EPS15L1: variants seen among roughly 807,000 people sequenced by gnomAD.
The protein encoded by EPS15L1 is epidermal growth factor receptor pathway substrate 15 like 1, also known as epidermal growth factor receptor substrate 15-like 1.
A neutral mutation model predicts 117.1 loss-of-function variants in EPS15L1; 43 were observed. The ratio of observed to expected loss-of-function variants is 0.37; its 90% CI spans 0.29 to 0.47. EPS15L1 has a LOEUF of 0.47. Ranked by LOEUF, EPS15L1 falls within the 20% of genes least tolerant of loss-of-function variation. EPS15L1 has a pLI of 0.99. For synonymous variants in EPS15L1, 459 were observed against 470.5 expected (o/e 0.98, Z 0.32); for missense variants, 981 against 1,164.0 (o/e 0.84, Z 2.29).
chr19:16,432,887 C>T (rs567152377), intron 7 of EPS15L1, among the ~76,000 whole-genome samples: 3 of 152,216 alleles, frequency 2.0e-5, no homozygotes, highest in East Asian at 3.9e-4. Flanking sequence ...ATTGCAGCCT[C>T]GACTTCCCAG....
chr19:16,447,229 T>TGGGCA, intron 1 of EPS15L1, among the ~76,000 whole-genome samples: 1 of 152,184 alleles, frequency 6.6e-6, no homozygotes, highest in Non-Finnish European at 1.5e-5. Context: ...CGCTGGGGTA[T>TGGGCA]GTCTAACCTT....
intron 9 of EPS15L1, 110 bp downstream of exon 9, chr19:16,424,973 T>A: frequency 9.6e-7 from 1 of 1,038,750 alleles, no homozygotes; most frequent in East Asian, 2.5e-5. Flanking sequence ...AAGCATTTTT[T>A]AAAGACATTT....
intron 13 of EPS15L1, among the ~76,000 whole-genome samples, chr19:16,407,890 G>A (rs918825922): frequency 3.3e-5 from 5 of 152,134 alleles, no homozygotes; most frequent in African/African-American, 1.2e-4. Context: ...TGGAGACCCT[G>A]GGCCAGAAGG....
intron 1 of EPS15L1, among the ~76,000 whole-genome samples, chr19:16,468,805 G>A (rs2093325076): frequency 6.6e-6 from 1 of 152,112 alleles, no homozygotes; most frequent in Non-Finnish European, 1.5e-5. Flanking sequence ...TGAGGCTAGG[G>A]GTTTAAGACC....
At chr19:16,454,534 A>G (rs1342106845) in intron 1 of EPS15L1, among the ~76,000 whole-genome samples, 1 of 152,244 alleles carries the variant, frequency 6.6e-6, no homozygotes, top group East Asian at 1.9e-4. Context: ...CAGGATCTGA[A>G]GGAATTTTCA....
At chr19:16,406,934 AT>A (rs2092662542) in intron 13 of EPS15L1, among the ~76,000 whole-genome samples, 1 of 152,180 alleles carries the variant, frequency 6.6e-6, no homozygotes, top group South Asian at 2.1e-4. Flanking sequence ...TAGTGGCCTT[AT>A]AAAAGAGGCC....
intron 23 of EPS15L1, among the ~76,000 whole-genome samples, chr19:16,359,471 T>C (rs2144621482): frequency 6.6e-6 from 1 of 152,304 alleles, no homozygotes; most frequent in African/African-American, 2.4e-5. Context: ...GGGTCCTGTC[T>C]TCACTCAACC....
intron 13 of EPS15L1, among the ~76,000 whole-genome samples, chr19:16,411,684 A>T (rs917873153): frequency 2.0e-5 from 3 of 152,120 alleles, no homozygotes; most frequent in African/African-American, 7.2e-5. Flanking sequence ...CCCCTACCCT[A>T]GCACCACCCC....
chr19:16,432,757 C>T (rs901292869), intron 7 of EPS15L1, among the ~76,000 whole-genome samples: 2 of 151,930 alleles, frequency 1.3e-5, no homozygotes, highest in African/African-American at 4.8e-5. Context: ...GGTGACAGAG[C>T]GAGACTCTGT....
chr19:16,385,522 G>A (rs531798831), intron 20 of EPS15L1, among the ~76,000 whole-genome samples: 1 of 152,326 alleles, frequency 6.6e-6, no homozygotes, highest in South Asian at 2.1e-4. Flanking sequence ...CAGGAGGCGA[G>A]GAGCAACTCC....
intron 6 of EPS15L1, 45 bp from the exon 7 acceptor site, chr19:16,434,535 T>C: frequency 6.3e-7 from 1 of 1,594,086 alleles, no homozygotes; most frequent in Non-Finnish European, 8.5e-7. Context: ...AGCACACCTG[T>C]GTGAATGTCC....
rs2092635039 is a variant in EPS15L1 at position 16,404,493 on chromosome 19, A to G, written c.1428+95T>C. 7.3e-7 allele frequency: 1 copy of G among 1,369,800 alleles called. No individual in the cohort carries two copies. The highest frequency in any genetic ancestry group is 1.0e-6 in the Non-Finnish European group (1 of 985,342). 84.9% of individuals were successfully genotyped at this position (1,369,800 alleles called of 1,614,324 possible). ...ACTCTATTGACCCAGTAGGATGTCT[A>G]AGTGTTGTGTTCCCAGGTAACACGA... On this transcript the variant is annotated intron_variant, in intron 14 of 23. Transcript: ENST00000455140. The surrounding 1 kb of genome is among the most constrained non-coding windows in gnomAD (Gnocchi z 4.2).
At chr19:16,362,115 C>T in intron 22 of EPS15L1, 131 bp from the exon 23 acceptor site, 1 of 932,760 alleles carries the variant, frequency 1.1e-6, no homozygotes, top group South Asian at 1.8e-5. Flanking sequence ...GGCTAACAGG[C>T]TGGACGGGGG....
intron 21 of EPS15L1, among the ~76,000 whole-genome samples, chr19:16,380,112 G>A (rs183344233): frequency 1.3e-5 from 2 of 150,914 alleles, no homozygotes; most frequent in Non-Finnish European, 3.0e-5. Context: ...ACACAGATGC[G>A]GCCGTCTAAG....
At chr19:16,384,459 T>G (rs2092397968) in intron 21 of EPS15L1, among the ~76,000 whole-genome samples, 1 of 152,190 alleles carries the variant, frequency 6.6e-6, no homozygotes, top group Non-Finnish European at 1.5e-5. Context: ...TTGTCCATTC[T>G]GGATGTTCCC....
At chr19:16,425,050 G>T in intron 9 of EPS15L1, 33 bp downstream of exon 9, 1 of 1,540,122 alleles carries the variant, frequency 6.5e-7, no homozygotes, top group Non-Finnish European at 9.0e-7. Flanking sequence ...ACTGTGCTCT[G>T]AGAGGGGGCT....
At chr19:16,385,428 G>A (rs2092410377) in intron 20 of EPS15L1, among the ~76,000 whole-genome samples, 1 of 152,184 alleles carries the variant, frequency 6.6e-6, no homozygotes, top group South Asian at 2.1e-4. Flanking sequence ...CACTCTGGGA[G>A]GGCCAGCATC....
rs1191695745 is a variant in EPS15L1, at chr19:16,471,909, G to T, written c.33+4C>A. On this transcript the variant is annotated splice_donor_region_variant and intron_variant, in intron 1 of 23. Coordinates refer to ENST00000455140, the MANE Select transcript of EPS15L1 (RefSeq NM_001258374.3). The surrounding 1 kb of genome is among the most constrained non-coding windows in gnomAD (Gnocchi z 4.8). ...CGCCGCCCCCAGGCCCGCCCGGCCC[G>T]TACCTGCTGGGAGAGGGGGATGAGC... is the stretch of plus-strand genomic sequence containing the variant. 1 of 1,302,490 alleles carries T rather than the reference G, an allele frequency of 7.7e-7. No individual in the cohort carries two copies. Among genetic ancestry groups the T allele is most frequent in the Non-Finnish European group, 9.7e-7 (1 of 1,026,632 alleles). The allele number at this position is 1,302,490 out of a possible 1,614,324, so 80.7% of individuals were successfully genotyped here.
intron 21 of EPS15L1, among the ~76,000 whole-genome samples, chr19:16,380,006 T>C (rs77600511): frequency 0.088 from 13,428 of 151,986 alleles, 730 homozygotes; most frequent in Non-Finnish European, 0.12. Flanking sequence ...AATGCAGCTG[T>C]CTAAAGCTCC....
Sources: allele counts gnomAD v4.1 joint callset (sites outside exome capture counted in the v4.1 genomes callset), GRCh38; gene constraint gnomAD v4.1.1; non-coding constraint Gnocchi (gnomAD v3.1); transcripts MANE v1.5; gene names NCBI Gene and HGNC (gene_info 2026-07-23, HGNC 2026-07-21).